RANBP17: variants seen among roughly 807,000 people sequenced by gnomAD.
RANBP17 encodes the protein ran-binding protein 17.
Under a neutral mutation model 141.2 loss-of-function variants are expected in RANBP17, and 158 were observed. The ratio of observed to expected loss-of-function variants is 1.12; its 90% CI spans 0.98 to 1.28. The LOEUF (loss-of-function observed/expected upper bound fraction) is 1.28, where lower values mean the gene tolerates loss of function less well. RANBP17 is among the 50% of genes most tolerant of loss of function. The probability of loss-of-function intolerance (pLI) is 0.00; values close to 1 mark genes in which losing one functional copy is unlikely to be tolerated. For synonymous variants in RANBP17, 430 were observed against 450.0 expected, an observed-to-expected ratio of 0.96 and a Z score of 0.56; for missense variants, 1,438 against 1,290.7, an observed-to-expected ratio of 1.11 and a Z score of -1.75.
chr5:170,973,112 A>G (rs1339121807), intron 14 of RANBP17, among the ~76,000 whole-genome samples: 2 of 152,166 alleles, frequency 1.3e-5, no homozygotes. Flanking sequence ...TATTAATGCC[A>G]GGGATGCAAA....
At chr5:171,031,295 A>G (rs1165801649) in intron 14 of RANBP17, among the ~76,000 whole-genome samples, 1 of 152,044 alleles carries the variant, frequency 6.6e-6, no homozygotes, top group Non-Finnish European at 1.5e-5. Flanking sequence ...TGTAAGCAAA[A>G]CAAAATTATA....
At chr5:171,244,213 G>A (rs113228670) in intron 24 of RANBP17, among the ~76,000 whole-genome samples, 18,172 of 151,964 alleles carry the variant, frequency 0.12, 1,412 homozygotes, top group East Asian at 0.16. Flanking sequence ...CCAACATGGT[G>A]AAACCCTGTC....
chr5:170,863,985 C>A (rs1767034612), intron 1 of RANBP17, among the ~76,000 whole-genome samples: 1 of 152,160 alleles, frequency 6.6e-6, no homozygotes, highest in Non-Finnish European at 1.5e-5. Flanking sequence ...CATATAGGAT[C>A]ATATTGTTAA....
chr5:171,110,542 T>C (rs1289038654), intron 14 of RANBP17, among the ~76,000 whole-genome samples: 1 of 152,140 alleles, frequency 6.6e-6, no homozygotes, highest in Non-Finnish European at 1.5e-5. Flanking sequence ...CTCTACTCCT[T>C]CTACATTTTC....
chr5:171,083,999 T>C (rs928075086), intron 14 of RANBP17, among the ~76,000 whole-genome samples: 12 of 150,682 alleles, frequency 8.0e-5, no homozygotes, highest in East Asian at 2.0e-4. Flanking sequence ...TTAGGGTACA[T>C]GTGCACATTG....
chr5:171,200,802 A>G (rs1454284732), intron 19 of RANBP17, among the ~76,000 whole-genome samples: 2 of 152,244 alleles, frequency 1.3e-5, no homozygotes, highest in African/African-American at 2.4e-5. Context: ...GCCAAATGCT[A>G]TACCTCTTAA....
At chr5:170,980,794 C>A (rs1581304679) in intron 14 of RANBP17, among the ~76,000 whole-genome samples, 1 of 152,334 alleles carries the variant, frequency 6.6e-6, no homozygotes, top group Non-Finnish European at 1.5e-5. Context: ...TTGGAGCCCC[C>A]ACACAGAGTC....
intron 14 of RANBP17, among the ~76,000 whole-genome samples, chr5:170,986,493 A>G (rs1038538858): frequency 6.6e-6 from 1 of 151,878 alleles, no homozygotes; most frequent in Admixed American, 6.6e-5. Flanking sequence ...GGTAATGGAT[A>G]CCCCAATTAC....
In RANBP17 at chr5:171,061,713, T is replaced by A. The variant is rs1581528446; in HGVS notation, c.1710+93336T>A. Among the ~76,000 whole-genome samples, 5 of 152,188 alleles carry A rather than the reference T, an allele frequency of 3.3e-5. No individual in the cohort carries two copies. In the South Asian group the frequency reaches 1.0e-3, roughly 32 times the overall value. ...GCAGAGCTCAGTTCAAATCCTGGGT[T>A]TCCTTGTTAACTTTCTCTCTCATTG... On this transcript the variant is annotated intron_variant, in intron 14 of 27. Transcript: ENST00000523189.
chr5:171,084,296 A>C (rs999677810), intron 14 of RANBP17, among the ~76,000 whole-genome samples: 3 of 146,936 alleles, frequency 2.0e-5, no homozygotes, highest in African/African-American at 7.5e-5. Flanking sequence ...TGAACTCATC[A>C]TTTTTTATGG....
chr5:171,261,425 C>T (rs1766322541), intron 24 of RANBP17, among the ~76,000 whole-genome samples: 1 of 152,098 alleles, frequency 6.6e-6, no homozygotes, highest in Non-Finnish European at 1.5e-5. Context: ...TTTTCTAAGA[C>T]CTTCATTCTC....
At chr5:171,012,056 ATTTG>A in intron 14 of RANBP17, among the ~76,000 whole-genome samples, 1 of 128,744 alleles carries the variant, frequency 7.8e-6, no homozygotes. Flanking sequence ...AAATTATATT[ATTTG>A]TTTAAACGAA....
At chr5:171,090,573 T>G (rs1013405068) in intron 14 of RANBP17, among the ~76,000 whole-genome samples, 5 of 152,038 alleles carry the variant, frequency 3.3e-5, no homozygotes, top group Admixed American at 1.3e-4. Flanking sequence ...TGTTAACCAC[T>G]AAGACAATGG....
intron 25 of RANBP17, among the ~76,000 whole-genome samples, chr5:171,291,418 TAGCAGTATTGGAAGTG>T (rs1312932483): frequency 1.3e-5 from 2 of 152,198 alleles, no homozygotes; most frequent in Non-Finnish European, 2.9e-5. Context: ...GCCATCCCTG[TAGCAGTATTGGAAGTG>T]AGCAGAAGTT....
chr5:171,182,530 C>T (rs900418437), intron 16 of RANBP17, among the ~76,000 whole-genome samples: 1 of 152,144 alleles, frequency 6.6e-6, no homozygotes, highest in Admixed American at 6.5e-5. Context: ...CTCTTAGCTC[C>T]TGTTTCATTA....
intron 12 of RANBP17, among the ~76,000 whole-genome samples, chr5:170,940,276 A>G (rs984551162): frequency 1.3e-5 from 2 of 152,190 alleles, no homozygotes; most frequent in Admixed American, 1.3e-4. Context: ...GAGAAAAAGC[A>G]TTATTAAAAC....
At chr5:171,277,627 A>G (rs1371879912) in intron 25 of RANBP17, among the ~76,000 whole-genome samples, 3 of 106,852 alleles carry the variant, frequency 2.8e-5, no homozygotes, top group Non-Finnish European at 5.7e-5. Context: ...TTACGTATAC[A>G]TATATGTATG....
At chr5:170,937,005 T>C (rs1386231906) in intron 12 of RANBP17, among the ~76,000 whole-genome samples, 4 of 152,246 alleles carry the variant, frequency 2.6e-5, no homozygotes, top group Non-Finnish European at 5.9e-5. Flanking sequence ...ATCCATTTAC[T>C]TCCTGCCTGC....
At chr5:170,957,670 C>T (rs763930302) in intron 13 of RANBP17, among the ~76,000 whole-genome samples, 14 of 152,096 alleles carry the variant, frequency 9.2e-5, no homozygotes, top group Admixed American at 3.3e-4. Flanking sequence ...TTGGTGCTTT[C>T]AGTGTTTAAA....
Sources: allele counts gnomAD v4.1 joint callset (sites outside exome capture counted in the v4.1 genomes callset), GRCh38; gene constraint gnomAD v4.1.1; transcripts MANE v1.5; gene names NCBI Gene and HGNC (gene_info 2026-07-23, HGNC 2026-07-21).